Variants in ZFHX4 observed in about 807,000 individuals in gnomAD.
ZFHX4 encodes zinc finger homeobox 4.
A neutral mutation model predicts 267.6 loss-of-function variants in ZFHX4; 56 were observed. The ratio of observed to expected loss-of-function variants is 0.21; its 90% confidence interval spans 0.17 to 0.26. The LOEUF is 0.26. ZFHX4 is among the 10% of genes least tolerant of loss of function. ZFHX4 has a pLI of 1.00. For missense variants in ZFHX4, 4,332 were observed against 4,420.0 expected (o/e 0.98, Z 0.56); for synonymous variants, 1,778 against 1,665.6 (o/e 1.07, Z -1.64).
rs1491348235 is a variant in ZFHX4, at chr8:76,864,613, A to AAAAAAAT, written c.*54_*55insTAAAAAA. 3.4e-5 allele frequency: 5 copies of AAAAAAAT among 145,972 alleles called. No individual in the cohort carries two copies. The highest frequency in any genetic ancestry group is 4.8e-5 in the Non-Finnish European group (5 of 104,380). The allele number at this position is 145,972 out of a possible 1,614,324, so 9.0% of individuals were successfully genotyped here. A position where few individuals can be genotyped will look rare whatever the true frequency, so the allele number is the denominator to read the frequency against. On this transcript the variant is annotated 3_prime_UTR_variant, in exon 11 of 11. Transcript: ENST00000651372. The stretch of plus-strand genomic sequence containing the variant: ...TTAAAAAAATAAAAAATAAAAAAAT[A>AAAAAAAT]AAAAAAAAATAAGACTTTAACTGCA...
At chr8:76,708,735 C>T (rs982309951) in intron 3 of ZFHX4, among the ~76,000 whole-genome samples, 6 of 152,166 alleles carry the variant, frequency 3.9e-5, no homozygotes, top group Admixed American at 6.5e-5. Context: ...GTACTGAATA[C>T]GTGCAAGTGA....
At chr8:76,839,605 C>T (rs146804984) in intron 5 of ZFHX4, among the ~76,000 whole-genome samples, 3 of 152,180 alleles carry the variant, frequency 2.0e-5, no homozygotes, top group Non-Finnish European at 4.4e-5. Context: ...CTACTGAATA[C>T]AACAGTATCA....
At chr8:76,687,856 A>G (rs1294048185) in intron 1 of ZFHX4, among the ~76,000 whole-genome samples, 1 of 152,122 alleles carries the variant, frequency 6.6e-6, no homozygotes, top group Non-Finnish European at 1.5e-5. Flanking sequence ...ATTTTTTTGC[A>G]TAATGAAAAG....
chr8:76,849,794 G>A (rs2131936285), intron 8 of ZFHX4, 82 bp downstream of exon 8: 1 of 1,380,830 alleles, frequency 7.2e-7, no homozygotes, highest in South Asian at 1.3e-5. Flanking sequence ...ATTGGTTTAT[G>A]GAAATGTATT....
At chr8:76,710,345 A>T (rs1188922784) in intron 3 of ZFHX4, among the ~76,000 whole-genome samples, 3 of 152,218 alleles carry the variant, frequency 2.0e-5, no homozygotes, top group Non-Finnish European at 4.4e-5. Context: ...CTCTAAACTG[A>T]TTTCAGAAAC....
At chr8:76,746,870 G>A (rs2131697103) in intron 3 of ZFHX4, among the ~76,000 whole-genome samples, 1 of 152,222 alleles carries the variant, frequency 6.6e-6, no homozygotes, top group East Asian at 1.9e-4. Context: ...CTCTACTTGG[G>A]AGCCATTTTA....
In ZFHX4 at chr8:76,700,025, C is replaced by G. The variant is rs193135610; in HGVS notation, c.-46-4018C>G. 3.2e-4 allele frequency among the ~76,000 whole-genome samples: 48 copies of G among 152,070 alleles called. No homozygotes were observed. The East Asian group carries it at 8.9e-3, about 28-fold the overall frequency. ...CTCTCTTTTGTCTTTGCCTAACTCACTATGACATATTGATAGAGGATTTGG... is the reference window on the plus strand; with the variant it reads ...CTCTCTTTTGTCTTTGCCTAACTCAGTATGACATATTGATAGAGGATTTGG... On this transcript the variant is annotated intron_variant, in intron 1 of 10. Coordinates refer to ENST00000651372, the MANE Select transcript of ZFHX4 (RefSeq NM_024721.5).
At chr8:76,760,723 T>A (rs1023902533) in intron 3 of ZFHX4, among the ~76,000 whole-genome samples, 1 of 151,422 alleles carries the variant, frequency 6.6e-6, no homozygotes, top group African/African-American at 2.4e-5. Context: ...AGTCCAGGAG[T>A]TCCAGACCAG....
At chr8:76,797,315 T>C (rs926540034) in intron 4 of ZFHX4, among the ~76,000 whole-genome samples, 6 of 152,212 alleles carry the variant, frequency 3.9e-5, no homozygotes, top group African/African-American at 1.4e-4. Flanking sequence ...AACAAGTGTT[T>C]TTAGAAAAGC....
chr8:76,752,437 T>C (rs770373539), intron 3 of ZFHX4, among the ~76,000 whole-genome samples: 1 of 133,862 alleles, frequency 7.5e-6, no homozygotes, highest in East Asian at 2.1e-4. Context: ...AGGTCAGGAG[T>C]TCAAGACCAG....
chr8:76,694,243 A>G (rs1005790786), intron 1 of ZFHX4, among the ~76,000 whole-genome samples: 3 of 152,222 alleles, frequency 2.0e-5, no homozygotes, highest in Non-Finnish European at 4.4e-5. Context: ...CTTTTGAGAG[A>G]GCTTAAAAGT....
chr8:76,777,864 T>TG (rs200387746), intron 3 of ZFHX4, among the ~76,000 whole-genome samples: 7,481 of 151,540 alleles, frequency 0.049, 176 homozygotes, highest in African/African-American at 0.065. Context: ...TTGTTTTTTT[T>TG]TTTGTTTGTT....
In ZFHX4 at chr8:76,726,201, CT is replaced by C. The variant is rs1239279832; in HGVS notation, c.3093+18161del. Among the ~76,000 whole-genome samples the C allele has an allele frequency of 4.0e-5, 6 of 151,702 alleles. No homozygotes were observed. In the South Asian group the frequency reaches 1.3e-3, roughly 32 times the overall value. ...GACAACAAAAATCAAAAGAGCCTAT[CT>C]TTTTTTTCAAATAAAATGATTTTAC... On this transcript the variant is annotated intron_variant, in intron 3 of 10. Transcript: ENST00000651372.
chr8:76,863,540 C>A lies in ZFHX4; in HGVS notation c.9826C>A (p.Pro3276Thr), dbSNP rs1248382689. The A allele has an allele frequency of 3.7e-6, 6 of 1,613,620 alleles. No individual in the cohort carries two copies. The highest frequency in any genetic ancestry group is 1.1e-5 in the South Asian group (1 of 91,038). ...CCCTGGGTTTGCTTCTTATTTTACA[C>A]CTCAGCTCCCTGGAACAGTGCAGGG... ...FIPGFASYFTPQLPGTVQGGY... is the reference protein window; with the variant it reads ...FIPGFASYFTTQLPGTVQGGY... The change falls in exon 11 of 11, where the codon CCT becomes ACT. Residue 3276 changes from proline (P) to threonine (T), a missense_variant. Transcript: ENST00000651372.
intron 4 of ZFHX4, among the ~76,000 whole-genome samples, chr8:76,783,195 AC>A (rs1322130507): frequency 6.6e-6 from 1 of 152,030 alleles, no homozygotes; most frequent in Non-Finnish European, 1.5e-5. Flanking sequence ...CATCACTTTA[AC>A]CTGGATCATC....
At chr8:76,721,288 A>C (rs920626009) in intron 3 of ZFHX4, among the ~76,000 whole-genome samples, 7 of 152,112 alleles carry the variant, frequency 4.6e-5, no homozygotes, top group African/African-American at 1.7e-4. Flanking sequence ...ACATCTACAA[A>C]CTGAATTTGC....
At chr8:76,772,575 T>G (rs1226734880) in intron 3 of ZFHX4, among the ~76,000 whole-genome samples, 2 of 152,066 alleles carry the variant, frequency 1.3e-5, no homozygotes, top group African/African-American at 4.8e-5. Flanking sequence ...GTATTTTGAC[T>G]CCCAGGAAGG....
At chr8:76,710,551 G>A (rs1177912251) in intron 3 of ZFHX4, among the ~76,000 whole-genome samples, 2 of 152,166 alleles carry the variant, frequency 1.3e-5, no homozygotes, top group South Asian at 4.1e-4. Context: ...AGAGTTAGTG[G>A]CTAGACAGTA....
rs75378520 is a variant in ZFHX4 at position 76,712,040 on chromosome 8, T to C, written c.3093+3992T>C. 9.0e-3 allele frequency among the ~76,000 whole-genome samples: 1,365 copies of C among 152,294 alleles called. 17 individuals are homozygous for C. The highest frequency in any genetic ancestry group is 0.031 in the African/African-American group (1,280 of 41,558). On this transcript the variant is annotated intron_variant, in intron 3 of 10. Transcript: ENST00000651372. ...GCCTTAATTATACTACCTCTTTTTT[T>C]CCTTCCTGCATCTGCTAGTAGTGAA... is the stretch of plus-strand genomic sequence containing the variant.
Sources: allele counts gnomAD v4.1 joint callset (sites outside exome capture counted in the v4.1 genomes callset), GRCh38; gene constraint gnomAD v4.1.1; transcripts MANE v1.5; gene names NCBI Gene and HGNC (gene_info 2026-07-23, HGNC 2026-07-21).